CNTNAP2: variants seen among roughly 807,000 people sequenced by gnomAD.
CNTNAP2 encodes the protein contactin-associated protein-like 2.
CNTNAP2 carries 98 observed loss-of-function variants against 155.2 expected under a neutral mutation model. The observed-to-expected ratio is 0.63, with a 90% CI of 0.54 to 0.75. CNTNAP2 has a LOEUF of 0.75. CNTNAP2 is among the 30% of genes least tolerant of loss of function. CNTNAP2 has a pLI of 0.00. For missense variants in CNTNAP2, 1,727 were observed against 1,688.1 expected (o/e 1.02, Z -0.40); for synonymous variants, 651 against 631.2 (o/e 1.03, Z -0.47).
chr7:147,148,220 C>A (rs1801750183), intron 8 of CNTNAP2, among the ~76,000 whole-genome samples: 2 of 151,484 alleles, frequency 1.3e-5, no homozygotes, highest in Non-Finnish European at 1.5e-5. Flanking sequence ...GAAACCCCGT[C>A]TCTACTAAAA....
chr7:147,156,344 C>T lies in CNTNAP2; in HGVS notation c.1348+23835C>T, dbSNP rs146729676. On this transcript the variant is annotated intron_variant, in intron 8 of 23. Coordinates refer to ENST00000361727, the MANE Select transcript of CNTNAP2 (RefSeq NM_014141.6). The stretch of plus-strand genomic sequence containing the variant: ...TCATTTGTGTGAATTCAGCACCTAC[C>T]GTATATGTGGGAAATGTACTGAATA... 2.2e-3 allele frequency among the ~76,000 whole-genome samples: 337 copies of T among 152,198 alleles called. 3 individuals carry two copies. The highest frequency in any genetic ancestry group is 7.8e-3 in the African/African-American group (323 of 41,544).
intron 14 of CNTNAP2, among the ~76,000 whole-genome samples, chr7:147,927,366 T>A (rs908622267): frequency 6.6e-6 from 1 of 152,220 alleles, no homozygotes; most frequent in African/African-American, 2.4e-5. Context: ...TATTAGTAGC[T>A]AAATAGGGTT....
chr7:146,652,393 C>T (rs773730227), intron 1 of CNTNAP2, among the ~76,000 whole-genome samples: 3 of 152,036 alleles, frequency 2.0e-5, no homozygotes, highest in African/African-American at 7.2e-5. Flanking sequence ...TATTTATTTG[C>T]GATGTGGGCA....
intron 1 of CNTNAP2, among the ~76,000 whole-genome samples, chr7:146,371,581 G>A (rs901819544): frequency 2.6e-5 from 4 of 151,402 alleles, no homozygotes; most frequent in African/African-American, 4.8e-5. Flanking sequence ...GTTTCACCAT[G>A]GTCTCGATCT....
intron 8 of CNTNAP2, among the ~76,000 whole-genome samples, chr7:147,148,322 G>A (rs551534071): frequency 4.4e-4 from 66 of 149,590 alleles, no homozygotes; most frequent in African/African-American, 1.5e-3. Flanking sequence ...CCCGGGAGGC[G>A]GAGCTTGCAG....
intron 8 of CNTNAP2, among the ~76,000 whole-genome samples, chr7:147,179,450 A>G (rs373348488): frequency 2.0e-5 from 3 of 152,190 alleles, no homozygotes; most frequent in African/African-American, 7.2e-5. Context: ...AGAGGAGGCT[A>G]AACACAAAGG....
chr7:148,131,789 T>C (rs1804836658), intron 16 of CNTNAP2, among the ~76,000 whole-genome samples: 1 of 152,196 alleles, frequency 6.6e-6, no homozygotes, highest in East Asian at 1.9e-4. Flanking sequence ...GTGTTGCTAA[T>C]GCTGGAGAAT....
At chr7:148,247,843 G>A (rs1796300591) in intron 20 of CNTNAP2, among the ~76,000 whole-genome samples, 1 of 151,578 alleles carries the variant, frequency 6.6e-6, no homozygotes, top group Non-Finnish European at 1.5e-5. Context: ...TAGTAGAGAT[G>A]AAGTTTCATC....
At chr7:147,060,733 G>A (rs1387220837) in intron 4 of CNTNAP2, among the ~76,000 whole-genome samples, 1 of 151,986 alleles carries the variant, frequency 6.6e-6, no homozygotes, top group Non-Finnish European at 1.5e-5. Flanking sequence ...GCGTGGTGGC[G>A]GGCGCCTGTA....
At chr7:147,391,357 A>G (rs1261674768) in intron 9 of CNTNAP2, among the ~76,000 whole-genome samples, 1 of 151,664 alleles carries the variant, frequency 6.6e-6, no homozygotes, top group Non-Finnish European at 1.5e-5. Context: ...ACTGTAAGTC[A>G]TCCTTTTTTT....
At chr7:148,122,928 G>T (rs1462324050) in intron 16 of CNTNAP2, among the ~76,000 whole-genome samples, 1 of 152,168 alleles carries the variant, frequency 6.6e-6, no homozygotes, top group Non-Finnish European at 1.5e-5. Flanking sequence ...ACTCGTGAGG[G>T]TTAAGTGGAC....
At chr7:146,332,130 T>A in intron 1 of CNTNAP2, among the ~76,000 whole-genome samples, 1 of 151,950 alleles carries the variant, frequency 6.6e-6, no homozygotes, top group African/African-American at 2.4e-5. Flanking sequence ...GATAAATACA[T>A]GTATCTATTT....
At chr7:147,090,549 CT>C (rs2129272801) in intron 4 of CNTNAP2, among the ~76,000 whole-genome samples, 1 of 152,152 alleles carries the variant, frequency 6.6e-6, no homozygotes, top group South Asian at 2.1e-4. Flanking sequence ...TATTCAGATA[CT>C]TTTTTAATGT....
intron 1 of CNTNAP2, among the ~76,000 whole-genome samples, chr7:146,733,412 C>T (rs1354259992): frequency 1.3e-5 from 2 of 148,750 alleles, no homozygotes; most frequent in Non-Finnish European, 3.0e-5. Context: ...TTATAATTAA[C>T]TGCAAAAAAC....
At chr7:147,652,515 A>ATC (rs1795463533) in intron 13 of CNTNAP2, among the ~76,000 whole-genome samples, 1 of 152,196 alleles carries the variant, frequency 6.6e-6, no homozygotes, top group Admixed American at 6.5e-5. Flanking sequence ...TTTTATATAT[A>ATC]TTGGCTCATT....
chr7:147,420,917 AAGG>A (rs951089245), intron 10 of CNTNAP2, among the ~76,000 whole-genome samples: 44 of 152,292 alleles, frequency 2.9e-4, no homozygotes, highest in African/African-American at 1.0e-3. Flanking sequence ...TTTGACAAAG[AAGG>A]AGGTTAAGGA....
intron 4 of CNTNAP2, among the ~76,000 whole-genome samples, chr7:147,094,065 T>C (rs1403570070): frequency 7.2e-5 from 11 of 152,110 alleles, no homozygotes; most frequent in Admixed American, 7.2e-4. Context: ...ACTGGTGGCT[T>C]CTACCGGTTT....
intron 3 of CNTNAP2, among the ~76,000 whole-genome samples, chr7:147,008,521 G>A (rs1037245569): frequency 1.3e-5 from 2 of 151,944 alleles, no homozygotes; most frequent in Non-Finnish European, 2.9e-5. Flanking sequence ...AAATTAGACT[G>A]AAGAAAGATT....
chr7:147,254,800 A>G (rs1408945780), intron 8 of CNTNAP2, among the ~76,000 whole-genome samples: 2 of 152,198 alleles, frequency 1.3e-5, no homozygotes, highest in African/African-American at 4.8e-5. Flanking sequence ...CATTGGGGGC[A>G]CTGAATTGAA....
Sources: allele counts gnomAD v4.1 joint callset (sites outside exome capture counted in the v4.1 genomes callset), GRCh38; gene constraint gnomAD v4.1.1; transcripts MANE v1.5; gene names NCBI Gene and HGNC (gene_info 2026-07-23, HGNC 2026-07-21).